Variants in SGCZ observed in about 807,000 individuals in gnomAD.
The protein encoded by SGCZ is sarcoglycan zeta.
In SGCZ, 40 loss-of-function variants were observed where a neutral mutation model predicts 41.3. The ratio of observed to expected loss-of-function variants is 0.97; its 90% CI spans 0.75 to 1.26. SGCZ has a LOEUF of 1.26. Among genes scored for constraint, SGCZ ranks in the 50% most tolerant of loss-of-function variants. The probability of loss-of-function intolerance (pLI) is 0.00; values close to 1 mark genes in which losing one functional copy is unlikely to be tolerated. For synonymous variants in SGCZ, 206 were observed against 137.5 expected (o/e 1.50, Z -3.49); for missense variants, 552 against 369.8 (o/e 1.49, Z -4.04).
intron 3 of SGCZ, among the ~76,000 whole-genome samples, chr8:14,256,820 C>T (rs1168390458): frequency 1.3e-5 from 2 of 152,160 alleles, no homozygotes; most frequent in African/African-American, 4.8e-5. Context: ...TATCATCAAA[C>T]TGTCTAATAT....
At chr8:14,572,502 G>C (rs867148789) in intron 1 of SGCZ, among the ~76,000 whole-genome samples, 4 of 137,418 alleles carry the variant, frequency 2.9e-5, no homozygotes, top group Non-Finnish European at 3.4e-5. Flanking sequence ...AACCCAGAGA[G>C]GGAAGTTTAT....
chr8:15,145,982 G>A (rs571991063), intron 1 of SGCZ, among the ~76,000 whole-genome samples: 1 of 152,150 alleles, frequency 6.6e-6, no homozygotes. Flanking sequence ...TAACAGTAGA[G>A]GAACAAGGGG....
intron 1 of SGCZ, among the ~76,000 whole-genome samples, chr8:15,037,952 G>C (rs1223804858): frequency 6.6e-6 from 1 of 151,912 alleles, no homozygotes; most frequent in Non-Finnish European, 1.5e-5. Flanking sequence ...ATTGATGAAA[G>C]AAATTAGAAA....
Position 14,102,554 on chromosome 8 carries a change from A to G in SGCZ, c.621-55T>C, listed in dbSNP as rs73520348. ...GAAAAAAAAACACAAAAAAATCATT[A>G]ATAGAAAAAAGAAAATTTTTGATAA... On this transcript the variant is annotated intron_variant, in intron 6 of 7. Transcript: ENST00000382080. 5,557 of 1,289,682 alleles carry G rather than the reference A, an allele frequency of 4.3e-3. 231 individuals are homozygous for G. The African/African-American group carries it at 0.079, about 18-fold the overall frequency. The allele number at this position is 1,289,682 out of a possible 1,614,324, so 79.9% of individuals were successfully genotyped here.
chr8:15,179,377 G>C (rs1447786926), intron 1 of SGCZ, among the ~76,000 whole-genome samples: 1 of 152,046 alleles, frequency 6.6e-6, no homozygotes, highest in Admixed American at 6.6e-5. Context: ...TACAGATTTT[G>C]TATTTTCTGG....
At chr8:14,555,808 A>G (rs1804018606) in intron 1 of SGCZ, among the ~76,000 whole-genome samples, 1 of 152,064 alleles carries the variant, frequency 6.6e-6, no homozygotes. Flanking sequence ...GAACCTATGA[A>G]AGAAAATTCA....
At chr8:14,707,034 A>T (rs192697137) in intron 1 of SGCZ, among the ~76,000 whole-genome samples, 3,137 of 149,180 alleles carry the variant, frequency 0.021, 45 homozygotes, top group African/African-American at 0.04. Context: ...TCTTTTTTTT[A>T]AAATTTTATT....
Position 14,937,860 on chromosome 8 carries a change from A to G in SGCZ, c.39+299725T>C, listed in dbSNP as rs115568997. Among the ~76,000 whole-genome samples, 272 of 152,288 alleles carry G rather than the reference A, an allele frequency of 1.8e-3. 1 individual carries two copies. Among genetic ancestry groups the G allele is most frequent in the African/African-American group, 6.2e-3 (257 of 41,582 alleles). On this transcript the variant is annotated intron_variant, in intron 1 of 7. Coordinates refer to ENST00000382080, the MANE Select transcript of SGCZ (RefSeq NM_139167.4). ...ACAATCAGGAATGTTATAAAGGCAT[A>G]ACATCTGATATTTTTAAAAATTCAT...
intron 3 of SGCZ, among the ~76,000 whole-genome samples, chr8:14,253,055 A>C (rs183002874): frequency 2.0e-5 from 3 of 152,150 alleles, no homozygotes; most frequent in Admixed American, 6.6e-5. Flanking sequence ...TGAACTCATT[A>C]TTCATGAAAA....
intron 2 of SGCZ, among the ~76,000 whole-genome samples, chr8:14,368,385 C>T (rs1217153044): frequency 2.0e-5 from 3 of 151,952 alleles, no homozygotes; most frequent in African/African-American, 4.8e-5. Flanking sequence ...TGGAAAATGG[C>T]ATACATTATC....
intron 3 of SGCZ, among the ~76,000 whole-genome samples, chr8:14,292,395 C>T (rs549849124): frequency 1.3e-5 from 2 of 151,930 alleles, no homozygotes; most frequent in South Asian, 2.1e-4. Context: ...TATAATGATG[C>T]CTCAGGTAAA....
Position 14,380,970 on chromosome 8 carries a change from G to A in SGCZ, c.235-56766C>T, listed in dbSNP as rs773195315. On this transcript the variant is annotated intron_variant, in intron 2 of 7. Transcript: ENST00000382080. ...GATAACCATTTTAAACACACTATGCGTATTCCTAATCGTTCTTAGCATATT... is the reference window on the plus strand; with the variant it reads ...GATAACCATTTTAAACACACTATGCATATTCCTAATCGTTCTTAGCATATT... 5.3e-5 allele frequency among the ~76,000 whole-genome samples: 8 copies of A among 152,100 alleles called. No individual in the cohort carries two copies. In the East Asian group the frequency reaches 5.8e-4, roughly 11 times the overall value.
intron 1 of SGCZ, among the ~76,000 whole-genome samples, chr8:14,572,277 A>C (rs1320271114): frequency 6.6e-6 from 1 of 152,200 alleles, no homozygotes; most frequent in African/African-American, 2.4e-5. Context: ...ATAAAGTGAA[A>C]TGAAGTAATT....
At chr8:14,156,857 T>C (rs1803891633) in intron 5 of SGCZ, among the ~76,000 whole-genome samples, 2 of 152,178 alleles carry the variant, frequency 1.3e-5, no homozygotes, top group Non-Finnish European at 2.9e-5. Flanking sequence ...GATGAAGCTG[T>C]CATCCCCTAT....
chr8:14,188,932 A>C lies in SGCZ; in HGVS notation c.425-24230T>G, dbSNP rs553681645. Among the ~76,000 whole-genome samples, 7 of 149,382 alleles carry C rather than the reference A, an allele frequency of 4.7e-5. 1 individual carries two copies. In the South Asian group the frequency reaches 1.5e-3, roughly 32 times the overall value. ...TTGCAACCTCCATCACCCGGGTTCG[A>C]GCAACCTCCATCACCCGGGTTCAAG... On this transcript the variant is annotated intron_variant, in intron 4 of 7. Transcript: ENST00000382080.
At chr8:15,115,363 G>A (rs1176676371) in intron 1 of SGCZ, among the ~76,000 whole-genome samples, 1 of 152,120 alleles carries the variant, frequency 6.6e-6, no homozygotes. Flanking sequence ...CAAAGGAAGT[G>A]GAATCTTCCT....
intron 1 of SGCZ, among the ~76,000 whole-genome samples, chr8:14,998,187 C>T (rs541364934): frequency 3.0e-4 from 45 of 152,210 alleles, no homozygotes; most frequent in African/African-American, 7.9e-4. Flanking sequence ...ACCTACAAAA[C>T]GAAAAAGAAG....
Position 14,693,119 on chromosome 8 carries a change from T to C in SGCZ, c.40-138193A>G, listed in dbSNP as rs142095805. Among the ~76,000 whole-genome samples the C allele has an allele frequency of 3.3e-3, 509 of 152,256 alleles. 13 individuals carry two copies. The highest frequency in any genetic ancestry group is 0.03 in the Admixed American group (457 of 15,286). ...AAGACACAGGTTTGTGGTGATTAAG[T>C]AAGATTAAGTAAATTGTTAGATCTA... On this transcript the variant is annotated intron_variant, in intron 1 of 7. Transcript: ENST00000382080.
chr8:14,517,045 T>C (rs13273898), intron 2 of SGCZ, among the ~76,000 whole-genome samples: 2 of 151,688 alleles, frequency 1.3e-5, no homozygotes, highest in South Asian at 4.2e-4. Flanking sequence ...TCTCCCCCTA[T>C]GACTCGTAAA....
Sources: allele counts gnomAD v4.1 joint callset (sites outside exome capture counted in the v4.1 genomes callset), GRCh38; gene constraint gnomAD v4.1.1; transcripts MANE v1.5; gene names NCBI Gene and HGNC (gene_info 2026-07-23, HGNC 2026-07-21).